The following BTD variants were observed in gnomAD, a reference collection of about 807,000 sequenced individuals.
BTD encodes the protein biotinidase, also known as biocytinase.
BTD carries 13 observed loss-of-function variants against 17.7 expected under a neutral mutation model. That is an observed-to-expected ratio of 0.74 (90% CI 0.48 to 1.17). BTD has a LOEUF of 1.17. Among genes scored for constraint, BTD ranks in the 50% most tolerant of loss-of-function variants. BTD has a pLI of 0.00. For synonymous variants in BTD, 240 were observed against 245.2 expected, an observed-to-expected ratio of 0.98 and a Z score of 0.20; for missense variants, 674 against 650.4, an observed-to-expected ratio of 1.04 and a Z score of -0.39.
Position 15,601,893 on chromosome 3 carries a change from A to C in BTD, c.-18A>C. ...TCAGGGCGGAAGGCGCGCTAAGAGC[A>C]GGTACGGAGGGGGCGTGGTGCGGCG... On this transcript the variant is annotated splice_region_variant and 5_prime_UTR_variant, in exon 1 of 4. Coordinates refer to ENST00000643237, the MANE Select transcript of BTD (RefSeq NM_001370658.1). 1.2e-6 allele frequency: 2 copies of C among 1,613,890 alleles called. No individual in the cohort carries two copies. Among genetic ancestry groups the C allele is most frequent in the African/African-American group, 1.3e-5 (1 of 75,038 alleles).
intron 1 of BTD, among the ~76,000 whole-genome samples, chr3:15,609,214 G>A (rs930886735): frequency 1.3e-5 from 2 of 152,132 alleles, no homozygotes; most frequent in Admixed American, 6.5e-5. Flanking sequence ...CACATGAATA[G>A]GATCAGAGAT....
At chr3:15,643,965 ATTTAATTT>A (rs1289343068) in intron 3 of BTD, among the ~76,000 whole-genome samples, 1 of 106,860 alleles carries the variant, frequency 9.4e-6, no homozygotes, top group African/African-American at 3.1e-5. Flanking sequence ...AAACTCATTT[ATTTAATTT>A]ATTTATTTAT....
At chr3:15,677,846 T>C (rs1187696320) in intron 3 of BTD, among the ~76,000 whole-genome samples, 4 of 152,198 alleles carry the variant, frequency 2.6e-5, no homozygotes, top group Non-Finnish European at 5.9e-5. Context: ...TTTAAAGTAA[T>C]TTATTTAACC....
intron 1 of BTD, among the ~76,000 whole-genome samples, chr3:15,603,219 A>T (rs1199864115): frequency 6.6e-6 from 1 of 152,194 alleles, no homozygotes; most frequent in Non-Finnish European, 1.5e-5. Flanking sequence ...CCCAAATATC[A>T]TATCCTCACA....
chr3:15,665,288 C>T (rs1205515444), intron 3 of BTD, among the ~76,000 whole-genome samples: 1 of 152,202 alleles, frequency 6.6e-6, no homozygotes. Context: ...ACTAGCCAAG[C>T]TTTCCTATCT....
chr3:15,646,481 T>G lies in BTD; in HGVS notation c.*993T>G, dbSNP rs921604948. Reference sequence around the variant, plus strand: ...AAGGGTGGCCCACTTTAGTCATGCATTTATTCAATCACCCAACAGGCACAG... The same window carrying G: ...AAGGGTGGCCCACTTTAGTCATGCAGTTATTCAATCACCCAACAGGCACAG... On this transcript the variant is annotated 3_prime_UTR_variant, in exon 4 of 4. Transcript: ENST00000643237. 1.3e-5 allele frequency: 2 copies of G among 152,236 alleles called. No individual in the cohort carries two copies. The highest frequency in any genetic ancestry group is 1.3e-4 in the Admixed American group (2 of 15,276). The allele number at this position is 152,236 out of a possible 1,614,324, so 9.4% of individuals were successfully genotyped here. A position where few individuals can be genotyped will look rare whatever the true frequency, so the allele number is the denominator to read the frequency against.
intron 3 of BTD, among the ~76,000 whole-genome samples, chr3:15,663,669 T>C (rs901092313): frequency 6.6e-6 from 1 of 152,232 alleles, no homozygotes; most frequent in African/African-American, 2.4e-5. Context: ...TATTGAAGTC[T>C]CTTCTCATTT....
chr3:15,619,988 A>G (rs1429013087), intron 1 of BTD, among the ~76,000 whole-genome samples: 9 of 152,200 alleles, frequency 5.9e-5, no homozygotes, highest in African/African-American at 2.2e-4. Flanking sequence ...AACCACTGAT[A>G]AGGGTCTAAC....
At chr3:15,670,617 G>A in intron 3 of BTD, 1 of 1,506,508 alleles carries the variant, frequency 6.6e-7, no homozygotes, top group African/African-American at 1.4e-5. Context: ...CCAAAGACAA[G>A]GAAATAAGCC....
At position 15,645,175 on chromosome 3, in the gene BTD, TG is replaced by T. The variant is rs1057517362; in HGVS notation, c.1264del (p.Val422SerfsTer59). On this transcript the variant is annotated frameshift_variant, in exon 4 of 4. Coordinates refer to ENST00000643237, the MANE Select transcript of BTD (RefSeq NM_001370658.1). LOFTEE classifies it high-confidence loss of function. ...ACCTTATCCAAAGAGCTGTATGCCC[TG>T]GGGGTCTTTGATGGGCTTCACACAG... ...RPTLSKELYA[L>X]GVFDGLHTVH... 5 of 1,614,170 alleles carry T rather than the reference TG, an allele frequency of 3.1e-6. No individual in the cohort carries two copies. In the South Asian group the frequency reaches 4.4e-5, roughly 14 times the overall value.
At chr3:15,672,710 G>A (rs1018493141) in intron 3 of BTD, among the ~76,000 whole-genome samples, 3 of 152,142 alleles carry the variant, frequency 2.0e-5, no homozygotes, top group African/African-American at 7.2e-5. Flanking sequence ...GCGGGAGTGG[G>A]GAAAGAAGCT....
intron 3 of BTD, chr3:15,685,149 A>G: frequency 6.6e-7 from 1 of 1,514,920 alleles, no homozygotes; most frequent in Non-Finnish European, 9.1e-7. Flanking sequence ...TTAAACTTAA[A>G]ATTTGCCTTA....
chr3:15,617,076 G>T (rs1239709722), intron 1 of BTD, among the ~76,000 whole-genome samples: 1 of 152,106 alleles, frequency 6.6e-6, no homozygotes, highest in Non-Finnish European at 1.5e-5. Context: ...CTCGTGATCT[G>T]CCTGCCTTGG....
At chr3:15,679,889 C>T (rs975593868) in intron 3 of BTD, among the ~76,000 whole-genome samples, 3 of 146,962 alleles carry the variant, frequency 2.0e-5, no homozygotes, top group Admixed American at 6.6e-5. Context: ...GTCATATACC[C>T]TAAATACAGC....
intron 2 of BTD, among the ~76,000 whole-genome samples, chr3:15,636,536 G>A (rs1302210869): frequency 1.3e-5 from 2 of 152,164 alleles, no homozygotes; most frequent in Non-Finnish European, 2.9e-5. Flanking sequence ...AACTCTGGTG[G>A]CAGGGTGACC....
intron 1 of BTD, among the ~76,000 whole-genome samples, chr3:15,603,974 G>A (rs2064364991): frequency 6.6e-6 from 1 of 152,228 alleles, no homozygotes; most frequent in African/African-American, 2.4e-5. Flanking sequence ...TCTCCCAGCT[G>A]CTTTCACAGG....
intron 3 of BTD, among the ~76,000 whole-genome samples, chr3:15,682,137 A>G (rs2067613077): frequency 6.6e-6 from 1 of 152,236 alleles, no homozygotes; most frequent in Admixed American, 6.5e-5. Flanking sequence ...TAAATTAGCT[A>G]TGAAGAGATG....
rs916159161 is a variant in BTD, at chr3:15,653,089, A to G, written c.*7601A>G. Among the ~76,000 whole-genome samples, 2 of 152,244 alleles carry G rather than the reference A, an allele frequency of 1.3e-5. No individual in the cohort carries two copies. Among genetic ancestry groups the G allele is most frequent in the Non-Finnish European group, 2.9e-5 (2 of 68,050 alleles). On this transcript the variant is annotated 3_prime_UTR_variant, in exon 4 of 4. Transcript: ENST00000643237. ...GTTATCCAACAGCCTGGTATGGTGC[A>G]GACCAGGGGCTCTCGAAAGGTGGGC...
chr3:15,645,498 G>A lies in BTD; in HGVS notation c.*10G>A. ...GTATGAGAGGGACTAGGAAAAGTGTGTGGTCTGTGGGGCGGACTCTGGCCA... is the reference window on the plus strand; with the variant it reads ...GTATGAGAGGGACTAGGAAAAGTGTATGGTCTGTGGGGCGGACTCTGGCCA... On this transcript the variant is annotated 3_prime_UTR_variant, in exon 4 of 4. Coordinates refer to ENST00000643237, the MANE Select transcript of BTD (RefSeq NM_001370658.1). 2 of 1,602,268 alleles carry A rather than the reference G, an allele frequency of 1.2e-6. No individual in the cohort carries two copies. Among genetic ancestry groups the A allele is most frequent in the Non-Finnish European group, 1.7e-6 (2 of 1,179,928 alleles).
Sources: allele counts gnomAD v4.1 joint callset (sites outside exome capture counted in the v4.1 genomes callset), GRCh38; gene constraint gnomAD v4.1.1; transcripts MANE v1.5; gene names NCBI Gene and HGNC (gene_info 2026-07-23, HGNC 2026-07-21).